RABEP1: variants seen among roughly 807,000 people sequenced by gnomAD.
RABEP1 encodes rabaptin, RAB GTPase binding effector protein 1.
Under a neutral mutation model 123.4 loss-of-function variants are expected in RABEP1, and 51 were observed. That is an observed-to-expected ratio of 0.41 (90% CI 0.33 to 0.52). RABEP1 has a LOEUF of 0.52. Ranked by LOEUF, RABEP1 falls within the 20% of genes least tolerant of loss-of-function variation. The probability of loss-of-function intolerance (pLI) is 0.16; values close to 1 mark genes in which losing one functional copy is unlikely to be tolerated. For missense variants in RABEP1, 888 were observed against 996.3 expected (o/e 0.89, Z 1.46); for synonymous variants, 347 against 355.2 (o/e 0.98, Z 0.26).
chr17:5,360,115 T>C (rs1909372342), intron 8 of RABEP1, among the ~76,000 whole-genome samples: 1 of 152,238 alleles, frequency 6.6e-6, no homozygotes, highest in African/African-American at 2.4e-5. Flanking sequence ...CCCTTTGCCC[T>C]AGCCTCTAGT....
chr17:5,343,223 G>C (rs1907769310), intron 5 of RABEP1, among the ~76,000 whole-genome samples: 1 of 152,112 alleles, frequency 6.6e-6, no homozygotes, highest in South Asian at 2.1e-4. Flanking sequence ...TTGCACTCCA[G>C]CCTAGGCGAC....
At chr17:5,369,500 C>T (rs1910355365) in intron 12 of RABEP1, among the ~76,000 whole-genome samples, 1 of 152,134 alleles carries the variant, frequency 6.6e-6, no homozygotes, top group Non-Finnish European at 1.5e-5. Flanking sequence ...TCTGAATGGC[C>T]TATGAGCTGA....
At chr17:5,373,909 T>C (rs1426419946) in intron 13 of RABEP1, among the ~76,000 whole-genome samples, 1 of 152,182 alleles carries the variant, frequency 6.6e-6, no homozygotes, top group Admixed American at 6.6e-5. Flanking sequence ...GTAGCCTTAA[T>C]GTTTTGAAGA....
At chr17:5,360,921 A>G (rs926407102) in intron 8 of RABEP1, 3 of 360,926 alleles carry the variant, frequency 8.3e-6, no homozygotes, top group African/African-American at 6.3e-5. Context: ...GCTCCAGCCC[A>G]TCCTTTTATC....
rs769764191 is a variant in RABEP1 at position 5,365,249 on chromosome 17, G to A, written c.1785+11G>A. 4.1e-5 allele frequency: 64 copies of A among 1,555,770 alleles called. No homozygotes were observed. Among genetic ancestry groups the A allele is most frequent in the Non-Finnish European group, 5.5e-5 (63 of 1,145,770 alleles). On this transcript the variant is annotated intron_variant, in intron 11 of 17. Coordinates refer to ENST00000537505, the MANE Select transcript of RABEP1 (RefSeq NM_004703.6). ...GATTCGAGTCACCAGGTAAGGGAGGGTTTATAGACTGTGGCCCATGAGGGA... is the reference window on the plus strand; with the variant it reads ...GATTCGAGTCACCAGGTAAGGGAGGATTTATAGACTGTGGCCCATGAGGGA...
At chr17:5,331,876 C>T in intron 2 of RABEP1, 73 bp from the exon 3 acceptor site, 1 of 1,354,372 alleles carries the variant, frequency 7.4e-7, no homozygotes, top group Non-Finnish European at 1.0e-6. Context: ...AAATTTAATA[C>T]CTTATTTCTT....
rs1229723012 is a variant in RABEP1, at chr17:5,343,864, C to T, written c.649-2926C>T. The stretch of plus-strand genomic sequence containing the variant: ...CTAATTTTTGTATTTTTAGTAGAGA[C>T]GGGGTTTTGTCATGTTGGCCAGGCT... On this transcript the variant is annotated intron_variant, in intron 5 of 17. Transcript: ENST00000537505. 5.3e-5 allele frequency among the ~76,000 whole-genome samples: 8 copies of T among 151,266 alleles called. No individual in the cohort carries two copies. In the South Asian group the frequency reaches 6.3e-4, roughly 12 times the overall value.
rs758479081 is a variant in RABEP1 at position 5,367,917 on chromosome 17, G to A, written c.1786-453G>A. Reference sequence around the variant, plus strand: ...ATACAGGTGCCCGCCACCACACCCAGCTAATTTTTTTTTACTTTTAGTAGA... The same window carrying A: ...ATACAGGTGCCCGCCACCACACCCAACTAATTTTTTTTTACTTTTAGTAGA... On this transcript the variant is annotated intron_variant, in intron 11 of 17. Coordinates refer to ENST00000537505, the MANE Select transcript of RABEP1 (RefSeq NM_004703.6). Among the ~76,000 whole-genome samples, 24 of 150,712 alleles carry A rather than the reference G, an allele frequency of 1.6e-4. 1 individual carries two copies. Among genetic ancestry groups the A allele is most frequent in the Non-Finnish European group, 3.2e-4 (22 of 67,804 alleles).
chr17:5,363,642 T>A (rs1232082920), intron 10 of RABEP1, among the ~76,000 whole-genome samples: 2 of 152,192 alleles, frequency 1.3e-5, no homozygotes, highest in Non-Finnish European at 2.9e-5. Flanking sequence ...GCAAGTACTT[T>A]ATGATATGGA....
chr17:5,365,664 C>A (rs1597388145), intron 11 of RABEP1, among the ~76,000 whole-genome samples: 2 of 152,232 alleles, frequency 1.3e-5, no homozygotes, highest in Admixed American at 1.3e-4. Flanking sequence ...TTAGCTGGTA[C>A]CCCAGAAGCC....
rs71151864 is a variant in RABEP1 at position 5,314,234 on chromosome 17, CTTTTTTTTT to C, written c.163+5430_163+5438del. 3.4e-4 allele frequency among the ~76,000 whole-genome samples: 19 copies of C among 55,584 alleles called. No homozygotes were observed. The East Asian group carries it at 4.2e-3, about 12-fold the overall frequency. The allele number at this position is 55,584 out of a possible 152,430, so 36.5% of individuals were successfully genotyped here. ...GCCTGTTCTTTTCTTAGTACCTATT[CTTTTTTTTT>C]TTTTTTTTTTTTTTTTTGAGATGGA... On this transcript the variant is annotated intron_variant, in intron 2 of 17. Transcript: ENST00000537505.
In RABEP1 at chr17:5,284,976, TA is replaced by T. The variant is rs889926071; in HGVS notation, c.34+2469del. Among the ~76,000 whole-genome samples the T allele has an allele frequency of 3.1e-3, 460 of 146,626 alleles. 2 individuals are homozygous for T. Among genetic ancestry groups the T allele is most frequent in the African/African-American group, 6.8e-3 (273 of 40,242 alleles). ...GAAGCGATTGTCTTTGATGACTTTT[TA>T]AAAAAAAAAAAATATTGTCTGTTTT... On this transcript the variant is annotated intron_variant, in intron 1 of 17. Transcript: ENST00000537505.
chr17:5,360,224 A>G lies in RABEP1; in HGVS notation c.1096-984A>G, dbSNP rs146344349. ...TGTGACTTTTTGCATCTGCTTTCGCATAGTATACAACATTGAACATGTTGA... is the reference window on the plus strand; with the variant it reads ...TGTGACTTTTTGCATCTGCTTTCGCGTAGTATACAACATTGAACATGTTGA... On this transcript the variant is annotated intron_variant, in intron 8 of 17. Transcript: ENST00000537505. Among the ~76,000 whole-genome samples, 70 of 152,354 alleles carry G rather than the reference A, an allele frequency of 4.6e-4. 1 individual carries two copies. The East Asian group carries it at 0.013, about 28-fold the overall frequency.
intron 1 of RABEP1, among the ~76,000 whole-genome samples, chr17:5,285,634 C>G (rs529608795): frequency 1.3e-5 from 2 of 152,290 alleles, no homozygotes; most frequent in Admixed American, 6.5e-5. Context: ...TCTGCAAACA[C>G]TATAGGCATT....
intron 5 of RABEP1, among the ~76,000 whole-genome samples, chr17:5,338,549 C>T (rs1016509317): frequency 2.6e-5 from 4 of 152,166 alleles, no homozygotes; most frequent in African/African-American, 4.8e-5. Flanking sequence ...GCCTGGGCAA[C>T]AGGAGCGAAA....
At chr17:5,377,652 G>C (rs895028459) in intron 14 of RABEP1, among the ~76,000 whole-genome samples, 6 of 150,130 alleles carry the variant, frequency 4.0e-5, no homozygotes, top group Non-Finnish European at 8.9e-5. Context: ...TCAGCCTCCC[G>C]AGTAGCTGGG....
chr17:5,332,898 C>T (rs1339964507), intron 3 of RABEP1, among the ~76,000 whole-genome samples: 2 of 152,132 alleles, frequency 1.3e-5, no homozygotes, highest in Non-Finnish European at 2.9e-5. Flanking sequence ...GTGTGAGCCA[C>T]AGCGCCTGGC....
chr17:5,385,353 A>C lies in RABEP1; in HGVS notation c.*2130A>C. The C allele has an allele frequency of 4.3e-6, 1 of 230,844 alleles. No homozygotes were observed. 14.3% of individuals were successfully genotyped at this position (230,844 alleles called of 1,614,324 possible). On this transcript the variant is annotated 3_prime_UTR_variant, in exon 18 of 18. Transcript: ENST00000537505. ...GTTTCACGAGTGTTCCTGTGCTTATATTCAGTCTGTGCCTACATGTTCTCA... is the reference window on the plus strand; with the variant it reads ...GTTTCACGAGTGTTCCTGTGCTTATCTTCAGTCTGTGCCTACATGTTCTCA...
chr17:5,380,266 G>C (rs1302261673), intron 15 of RABEP1, 98 bp from the exon 16 acceptor site: 6 of 733,324 alleles, frequency 8.2e-6, no homozygotes, highest in Middle Eastern at 3.2e-4. Context: ...TGTAGCCCGA[G>C]TGTCTTGGTG....
Sources: allele counts gnomAD v4.1 joint callset (sites outside exome capture counted in the v4.1 genomes callset), GRCh38; gene constraint gnomAD v4.1.1; transcripts MANE v1.5; gene names NCBI Gene and HGNC (gene_info 2026-07-23, HGNC 2026-07-21).